ATP2B1: variants seen among roughly 807,000 people sequenced by gnomAD.
ATP2B1 encodes ATPase plasma membrane Ca2+ transporting 1.
Under a neutral mutation model 124.2 loss-of-function variants are expected in ATP2B1, and 14 were observed. The observed-to-expected ratio is 0.11, with a 90% CI of 0.07 to 0.18. The LOEUF (loss-of-function observed/expected upper bound fraction) is 0.18. Among genes scored for constraint, ATP2B1 ranks in the 10% least tolerant of loss-of-function variants. The probability of loss-of-function intolerance (pLI) is 1.00; values close to 1 mark genes in which losing one functional copy is unlikely to be tolerated. For synonymous variants in ATP2B1, 449 were observed against 492.4 expected (o/e 0.91, Z 1.17); for missense variants, 763 against 1,466.1 (o/e 0.52, Z 7.83).
chr12:89,609,983 G>A lies in ATP2B1; in HGVS notation c.2396C>T (p.Thr799Ile), dbSNP rs543726861. 6.2e-7 allele frequency: 1 copy of A among 1,613,698 alleles called. No individual in the cohort carries two copies. The highest frequency in any genetic ancestry group is 8.5e-7 in the Non-Finnish European group (1 of 1,179,756). Residue 799 changes from threonine (T) to isoleucine (I), a missense_variant, in exon 15 of 21, where the codon ACA (threonine) becomes ATA (isoleucine). Thr to Ile is a moderately conservative substitution (Grantham distance 89). Around this residue, in one of 7 missense-constraint regions of ATP2B1, gnomAD observed 51 missense variants for 192.8 expected, o/e 0.26. Coordinates refer to ENST00000428670, the MANE Select transcript of ATP2B1 (RefSeq NM_001366521.1). ...RQVVAVTGDGTNDGPALKKAD... is the reference protein window; with the variant it reads ...RQVVAVTGDGINDGPALKKAD... The stretch of plus-strand genomic sequence containing the variant: ...TTTCTTTAGTGCTGGGCCATCATTT[G>A]TACCATCACCAGTTACAGCTACAAC...
intron 2 of ATP2B1, among the ~76,000 whole-genome samples, chr12:89,646,968 T>A (rs914177457): frequency 6.6e-6 from 1 of 152,186 alleles, no homozygotes; most frequent in Admixed American, 6.5e-5. Flanking sequence ...CCAGAGGCCA[T>A]GCAATTCAGG....
At chr12:89,652,823 A>G (rs951528116) in intron 2 of ATP2B1, among the ~76,000 whole-genome samples, 2 of 152,156 alleles carry the variant, frequency 1.3e-5, no homozygotes, top group Admixed American at 1.3e-4. Flanking sequence ...CTGCAGCCTC[A>G]AACTCCTGGA....
At chr12:89,706,149 A>G (rs889041570) in intron 1 of ATP2B1, among the ~76,000 whole-genome samples, 3 of 152,204 alleles carry the variant, frequency 2.0e-5, no homozygotes, top group African/African-American at 7.2e-5. Context: ...TTATTTTTAC[A>G]TGAGATGCAC....
At position 89,691,667 on chromosome 12, in the gene ATP2B1, A is replaced by G. The variant is rs573001375; in HGVS notation, c.-222+16929T>C. On this transcript the variant is annotated intron_variant, in intron 1 of 20. Transcript: ENST00000428670. The stretch of plus-strand genomic sequence containing the variant: ...ATACTATGCTAGGTCCCAACAAAGA[A>G]CTGAGTCTATCTAGGGAGACAGATT... 1.8e-4 allele frequency among the ~76,000 whole-genome samples: 27 copies of G among 152,276 alleles called. No homozygotes were observed. In the South Asian group the frequency reaches 5.6e-3, roughly 32 times the overall value.
Position 89,603,767 on chromosome 12 carries a change from A to T in ATP2B1, c.2793T>A (p.Asn931Lys), listed in dbSNP as rs1320726586. ...KPLISRTMMKNILGHAFYQLV... is the reference protein window; with the variant it reads ...KPLISRTMMKKILGHAFYQLV... ...GTTGATAGAATGCATGACCCAAAAT[A>T]TTCTTCATCATTGTACGTGAGATGA... Residue 931 changes from asparagine (N) to lysine (K), a missense_variant, in exon 17 of 21, where the codon AAT becomes AAA. Transcript: ENST00000428670. This position sits in a 1 kb window ranked among gnomAD's most constrained non-coding sequence, Gnocchi z 4.3. 1 of 1,614,140 alleles carries T rather than the reference A, an allele frequency of 6.2e-7. No individual in the cohort carries two copies. Among genetic ancestry groups the T allele is most frequent in the Non-Finnish European group, 8.5e-7 (1 of 1,179,996 alleles).
Position 89,620,391 on chromosome 12 carries a change from G to A in ATP2B1, c.1588-151C>T, listed in dbSNP as rs1879764722. ...AAGAAGGATATAGAAAAGTAAGGTA[G>A]AAAGGAGCCTGGGGTGAGAATGACA... is the stretch of plus-strand genomic sequence containing the variant. On this transcript the variant is annotated intron_variant, in intron 10 of 20. Coordinates refer to ENST00000428670, the MANE Select transcript of ATP2B1 (RefSeq NM_001366521.1). The A allele has an allele frequency of 6.9e-6, 7 of 1,009,024 alleles. No homozygotes were observed. The South Asian group carries it at 1.3e-4, about 18-fold the overall frequency. The allele number at this position is 1,009,024 out of a possible 1,614,324, so 62.5% of individuals were successfully genotyped here.
intron 14 of ATP2B1, 146 bp downstream of exon 14, chr12:89,610,275 T>C (rs936933220): frequency 7.6e-6 from 6 of 786,810 alleles, no homozygotes; most frequent in Non-Finnish European, 1.2e-5. Flanking sequence ...ACAATTTACC[T>C]AAGGTATCAA....
intron 11 of ATP2B1, among the ~76,000 whole-genome samples, chr12:89,619,232 C>T (rs1055406271): frequency 4.6e-5 from 7 of 152,164 alleles, no homozygotes; most frequent in Non-Finnish European, 8.8e-5. Context: ...TTTCCAAGAT[C>T]CAGCTTTTAT....
Position 89,591,071 on chromosome 12 carries a change from A to G in ATP2B1, c.3576T>C (p.Ser1192=), listed in dbSNP as rs1355562266. The G allele has an allele frequency of 6.2e-7, 1 of 1,613,140 alleles. No homozygotes were observed. Among genetic ancestry groups the G allele is most frequent in the Non-Finnish European group, 8.5e-7 (1 of 1,179,412 alleles). The part of the protein sequence containing the change: ...SPNKNNNAVD[S]GIHLTIEMNK... ...TCATTTCTATTGTAAGGTGAATTCC[A>G]CTGTCAACAGCATTGTTATTTTTGT... The change falls in exon 21 of 21, where the codon AGT becomes AGC. Residue 1192 remains serine, a synonymous_variant. Coordinates refer to ENST00000428670, the MANE Select transcript of ATP2B1 (RefSeq NM_001366521.1).
chr12:89,653,487 C>T (rs1332629632), intron 2 of ATP2B1, among the ~76,000 whole-genome samples: 2 of 150,570 alleles, frequency 1.3e-5, no homozygotes, highest in African/African-American at 4.9e-5. Flanking sequence ...TTAGTAGAGA[C>T]GGGGTTTCAC....
intron 20 of ATP2B1, chr12:89,598,815 T>G (rs1314246880): frequency 1.9e-6 from 3 of 1,558,382 alleles, no homozygotes; most frequent in Non-Finnish European, 2.6e-6. Flanking sequence ...GACCATTCCA[T>G]CTATCAACAT....
chr12:89,652,610 C>A (rs1315647784), intron 2 of ATP2B1, among the ~76,000 whole-genome samples: 3 of 152,204 alleles, frequency 2.0e-5, no homozygotes, highest in Non-Finnish European at 4.4e-5. Flanking sequence ...TACTCCTGGT[C>A]ATGTTTCATT....
intron 1 of ATP2B1, among the ~76,000 whole-genome samples, chr12:89,663,048 C>A (rs906327218): frequency 6.6e-6 from 1 of 152,172 alleles, no homozygotes; most frequent in Admixed American, 6.5e-5. Context: ...TCATTTTTAA[C>A]CCCAGCACTG....
In ATP2B1 at chr12:89,590,491, C is replaced by T. The variant is rs912438844; in HGVS notation, c.*493G>A. ...CTCTGCATCAGTTATAAGGAAGCTT[C>T]CCATCTATGAACAGGAACAAAAAAA... On this transcript the variant is annotated 3_prime_UTR_variant, in exon 21 of 21. Coordinates refer to ENST00000428670, the MANE Select transcript of ATP2B1 (RefSeq NM_001366521.1). 2.0e-5 allele frequency: 3 copies of T among 151,834 alleles called. No homozygotes were observed. The highest frequency in any genetic ancestry group is 7.3e-5 in the African/African-American group (3 of 41,196). 9.4% of individuals were successfully genotyped at this position (151,834 alleles called of 1,614,324 possible).
At chr12:89,690,382 T>G (rs1477343497) in intron 1 of ATP2B1, among the ~76,000 whole-genome samples, 1 of 151,886 alleles carries the variant, frequency 6.6e-6, no homozygotes, top group African/African-American at 2.4e-5. Flanking sequence ...AAAGTCTTAT[T>G]AATAAAGTGG....
At chr12:89,656,798 G>C (rs1886004948) in intron 1 of ATP2B1, among the ~76,000 whole-genome samples, 1 of 152,022 alleles carries the variant, frequency 6.6e-6, no homozygotes, top group African/African-American at 2.4e-5. Flanking sequence ...CTACTCTTTT[G>C]TTGTCCTTGC....
chr12:89,645,154 A>G (rs1884255061), intron 2 of ATP2B1, among the ~76,000 whole-genome samples: 1 of 152,200 alleles, frequency 6.6e-6, no homozygotes, highest in Non-Finnish European at 1.5e-5. Context: ...GGTTGTTTTG[A>G]AGAACCAAAA....
chr12:89,606,750 T>C (rs1052145854), intron 15 of ATP2B1, among the ~76,000 whole-genome samples: 2 of 152,024 alleles, frequency 1.3e-5, no homozygotes, highest in Non-Finnish European at 2.9e-5. Flanking sequence ...TTTGTATTTT[T>C]AGTAGAGACA....
chr12:89,687,895 T>C (rs1565916742), intron 1 of ATP2B1, among the ~76,000 whole-genome samples: 4 of 152,098 alleles, frequency 2.6e-5, no homozygotes, highest in South Asian at 4.1e-4. Context: ...GCAAAACTCA[T>C]ACAGTATGTG....
Sources: gnomAD v4.1 joint callset for allele counts (sites outside exome capture counted in the v4.1 genomes callset) on GRCh38, gnomAD v4.1.1 for gene constraint, gnomAD v4.1.1 regional missense constraint, Gnocchi (gnomAD v3.1) non-coding constraint, MANE v1.5 for transcripts, NCBI Gene and HGNC (gene_info 2026-07-23, HGNC 2026-07-21) for gene names.